The following UGGT2 variants were observed in gnomAD, a reference collection of about 807,000 sequenced individuals.
UGGT2 encodes the protein UDP-glucose glycoprotein glucosyltransferase 2, also known as UDP-glucose:glycoprotein glucosyltransferase 2.
In UGGT2, 180 loss-of-function variants were observed where a neutral mutation model predicts 192.1. That is an observed-to-expected ratio of 0.94 (90% CI 0.83 to 1.06). UGGT2 has a LOEUF of 1.06. Among genes scored for constraint, UGGT2 ranks in the 50% least tolerant of loss-of-function variants. The probability of loss-of-function intolerance (pLI) is 0.00; values close to 1 mark genes in which losing one functional copy is unlikely to be tolerated. For synonymous variants in UGGT2, 580 were observed against 591.0 expected, an observed-to-expected ratio of 0.98 and a Z score of 0.27; for missense variants, 1,849 against 1,795.7, an observed-to-expected ratio of 1.03 and a Z score of -0.54.
At chr13:95,854,213 TTGTG>T in intron 35 of UGGT2, 98 bp downstream of exon 35, 1 of 1,333,734 alleles carries the variant, frequency 7.5e-7, no homozygotes, top group Non-Finnish European at 1.0e-6. Flanking sequence ...GTTGCTTTTA[TTGTG>T]TAATTTTTAA....
At chr13:95,856,119 T>C in intron 34 of UGGT2, 39 bp downstream of exon 34, 1 of 1,502,510 alleles carries the variant, frequency 6.7e-7, no homozygotes, top group Admixed American at 2.1e-5. Flanking sequence ...GTGTAAAAAA[T>C]GTTTGCGTAT....
chr13:95,854,254 T>C (rs1374544056), intron 35 of UGGT2, 61 bp downstream of exon 35: 14 of 1,513,624 alleles, frequency 9.2e-6, no homozygotes, highest in Non-Finnish European at 1.2e-5. Context: ...TTAAGAAAAC[T>C]GAAAGTTGCA....
chr13:95,895,267 T>A lies in UGGT2; in HGVS notation c.2672A>T (p.Asp891Val), dbSNP rs1156509023. The stretch of plus-strand genomic sequence containing the variant: ...TGTTATCTTTTCCAACAAGTAAAAA[T>A]CTTCTGCATAAAAATCTTCATCTAA... Reference protein sequence around the residue: ...GPLDEDFYAEDFYLLEKITFS... With the variant: ...GPLDEDFYAEVFYLLEKITFS... The change falls in exon 23 of 39, where the codon GAT becomes GTT. Residue 891 changes from aspartate (D) to valine (V), a missense_variant. By Grantham distance (152) the Asp-to-Val change is radical. Transcript: ENST00000376747. 2 of 1,542,086 alleles carry A rather than the reference T, an allele frequency of 1.3e-6. No homozygotes were observed. The highest frequency in any genetic ancestry group is 1.4e-5 in the African/African-American group (1 of 72,182).
Position 95,984,501 on chromosome 13 carries a change from C to A in UGGT2, c.1032-637G>T, listed in dbSNP as rs186682428. ...ACACCACCACATCCAGCTAATTTTT[C>A]AATTTTCTTCTAGAGATGGAGTCTT... On this transcript the variant is annotated intron_variant, in intron 9 of 38. Transcript: ENST00000376747. 4.9e-3 allele frequency among the ~76,000 whole-genome samples: 744 copies of A among 152,002 alleles called. 1 individual carries two copies. Among genetic ancestry groups the A allele is most frequent in the Admixed American group, 0.013 (199 of 15,246 alleles).
chr13:95,874,606 T>C (rs1031792022), intron 29 of UGGT2, among the ~76,000 whole-genome samples: 2 of 152,222 alleles, frequency 1.3e-5, no homozygotes, highest in African/African-American at 4.8e-5. Flanking sequence ...ATTTTTGGAC[T>C]GTGGTTAACC....
rs373668000 is a variant in UGGT2, at chr13:95,927,258, T to A, written c.2056A>T (p.Ile686Phe). The A allele has an allele frequency of 2.9e-5, 47 of 1,612,620 alleles. No homozygotes were observed. The African/African-American group carries it at 5.6e-4, about 19-fold the overall frequency. Residue 686 changes from isoleucine (I) to phenylalanine (F), a missense_variant, in exon 18 of 39, where the codon ATT (isoleucine) becomes TTT (phenylalanine). Physicochemically the swap from Ile to Phe is conservative, Grantham distance 21. Coordinates refer to ENST00000376747, the MANE Select transcript of UGGT2 (RefSeq NM_020121.4). Reference protein sequence around the residue: ...NNVVPRINTLILRTNQQYLNL... With the variant: ...NNVVPRINTLFLRTNQQYLNL... ...AGGTACTGCTGGTTAGTACGCAAAA[T>A]CAAAGTATTTATACGGGGTACAACA...
chr13:95,927,461 ATTTTCTTT>A, intron 17 of UGGT2, 125 bp from the exon 18 acceptor site: 1 of 776,358 alleles, frequency 1.3e-6, no homozygotes, highest in South Asian at 2.8e-5. Context: ...ATTACAATAC[ATTTTCTTT>A]CTTTTTTTTT....
In UGGT2 at chr13:95,856,275, G is replaced by C. The variant is rs200741423; in HGVS notation, c.3891C>G (p.Pro1297=). The C allele has an allele frequency of 2.5e-6, 4 of 1,613,568 alleles. No homozygotes were observed. In the East Asian group the frequency reaches 8.9e-5, roughly 36 times the overall value. Residue 1297 remains proline (P), a synonymous_variant, in exon 34 of 39, where the codon CCC becomes CCG. Coordinates refer to ENST00000376747, the MANE Select transcript of UGGT2 (RefSeq NM_020121.4). ...FRYELVQYRW[P]RWLRQQTERQ... Reference sequence around the variant, plus strand: ...TTTCAGTCTGTTGACGAAGCCAACGGGGCCACCTATATTGAACTAGTTCAT... The same window carrying C: ...TTTCAGTCTGTTGACGAAGCCAACGCGGCCACCTATATTGAACTAGTTCAT...
chr13:95,999,333 A>G (rs754485071), intron 5 of UGGT2, 26 bp from the exon 6 acceptor site: 8 of 1,601,904 alleles, frequency 5.0e-6, no homozygotes, highest in Non-Finnish European at 6.8e-6. Context: ...TATTTTATAA[A>G]AAGCGAAAAG....
At chr13:95,854,235 G>C (rs1889350046) in intron 35 of UGGT2, 80 bp downstream of exon 35, 1 of 1,464,752 alleles carries the variant, frequency 6.8e-7, no homozygotes, top group Non-Finnish European at 9.2e-7. Flanking sequence ...TAAGAAAACT[G>C]TGTAATTTTT....
intron 10 of UGGT2, among the ~76,000 whole-genome samples, chr13:95,973,947 A>C (rs1254452143): frequency 1.3e-5 from 2 of 152,214 alleles, no homozygotes; most frequent in Non-Finnish European, 2.9e-5. Flanking sequence ...AGGGTAGGCA[A>C]ATATATTTAG....
intron 12 of UGGT2, among the ~76,000 whole-genome samples, chr13:95,953,336 CTT>C (rs1238677591): frequency 6.6e-6 from 1 of 152,116 alleles, no homozygotes; most frequent in Non-Finnish European, 1.5e-5. Flanking sequence ...TTTGCAATGT[CTT>C]TTTCTTTTCA....
At chr13:96,021,441 A>G (rs891866366) in intron 4 of UGGT2, among the ~76,000 whole-genome samples, 2 of 152,248 alleles carry the variant, frequency 1.3e-5, no homozygotes, top group African/African-American at 4.8e-5. Flanking sequence ...TAATAATGCC[A>G]TAAAGGAATA....
intron 36 of UGGT2, among the ~76,000 whole-genome samples, chr13:95,851,726 G>A (rs181216331): frequency 6.6e-6 from 1 of 152,306 alleles, no homozygotes; most frequent in Admixed American, 6.5e-5. Flanking sequence ...GGGAGTGGGA[G>A]CCAAACTACA....
At chr13:95,838,559 G>A (rs1186966365) in intron 36 of UGGT2, among the ~76,000 whole-genome samples, 1 of 152,088 alleles carries the variant, frequency 6.6e-6, no homozygotes, top group African/African-American at 2.4e-5. Context: ...TAAAGTTACA[G>A]TAATCAAAAC....
chr13:95,833,234 T>G (rs988967773), intron 37 of UGGT2, among the ~76,000 whole-genome samples, 181 bp from the exon 38 acceptor site: 1 of 152,274 alleles, frequency 6.6e-6, no homozygotes. Context: ...ATGTAATAAT[T>G]GCTTAATACA....
Position 95,997,688 on chromosome 13 carries a change from G to C in UGGT2, c.757+1523C>G, listed in dbSNP as rs2051669474. The stretch of plus-strand genomic sequence containing the variant: ...TGTGAAGTCTTTAGAAGAAATGAAA[G>C]AAGTGAAGACAGCGGTAGGCAAAAG... On this transcript the variant is annotated intron_variant, in intron 6 of 38. Coordinates refer to ENST00000376747, the MANE Select transcript of UGGT2 (RefSeq NM_020121.4). 2.0e-5 allele frequency among the ~76,000 whole-genome samples: 3 copies of C among 152,240 alleles called. No individual in the cohort carries two copies. In the South Asian group the frequency reaches 6.2e-4, roughly 32 times the overall value.
At chr13:96,022,437 T>C (rs957610412) in intron 4 of UGGT2, among the ~76,000 whole-genome samples, 3 of 151,788 alleles carry the variant, frequency 2.0e-5, no homozygotes, top group Non-Finnish European at 2.9e-5. Flanking sequence ...TATAAGAAAA[T>C]GTTAGAAATG....
At chr13:96,042,068 C>T (rs772262884) in intron 1 of UGGT2, among the ~76,000 whole-genome samples, 25 of 152,126 alleles carry the variant, frequency 1.6e-4, no homozygotes, top group South Asian at 4.1e-4. Flanking sequence ...TGCCAACCAG[C>T]ACAAAAATAG....
Sources: allele counts gnomAD v4.1 joint callset (sites outside exome capture counted in the v4.1 genomes callset), GRCh38; gene constraint gnomAD v4.1.1; transcripts MANE v1.5; gene names NCBI Gene and HGNC (gene_info 2026-07-23, HGNC 2026-07-21).